Variants in WDR72 observed in about 807,000 individuals in gnomAD.
The protein encoded by WDR72 is WD repeat-containing protein 72.
WDR72 carries 120 observed loss-of-function variants against 124.2 expected under a neutral mutation model. The observed-to-expected ratio is 0.97, with a 90% CI of 0.83 to 1.12. WDR72 has a LOEUF of 1.12. Ranked by LOEUF, WDR72 falls within the 50% of genes most tolerant of loss-of-function variation. The probability of loss-of-function intolerance (pLI) is 0.00; values close to 1 mark genes in which losing one functional copy is unlikely to be tolerated. For missense variants in WDR72, 1,387 were observed against 1,278.8 expected (o/e 1.08, Z -1.29); for synonymous variants, 452 against 441.7 (o/e 1.02, Z -0.29).
intron 1 of WDR72, among the ~76,000 whole-genome samples, chr15:53,734,883 A>G (rs1053446937): frequency 6.6e-6 from 1 of 151,796 alleles, no homozygotes; most frequent in African/African-American, 2.4e-5. Context: ...AGTTATGTAT[A>G]ATACTTTTAT....
intron 1 of WDR72, among the ~76,000 whole-genome samples, chr15:53,745,587 T>C (rs947305282): frequency 3.3e-5 from 5 of 152,190 alleles, no homozygotes; most frequent in Admixed American, 3.3e-4. Context: ...AACAAATAAG[T>C]TTTGTATAGT....
At chr15:53,627,748 GA>G (rs11321527) in intron 14 of WDR72, among the ~76,000 whole-genome samples, 49,071 of 151,252 alleles carry the variant, frequency 0.32, 8,717 homozygotes, top group East Asian at 0.46. Flanking sequence ...CATTTAATTA[GA>G]AAAAAAACAC....
chr15:53,714,584 A>C (rs1427587102), intron 5 of WDR72, 74 bp from the exon 6 acceptor site: 2 of 1,215,310 alleles, frequency 1.6e-6, no homozygotes, highest in East Asian at 4.7e-5. Context: ...TTTCACAGTC[A>C]TTTAAGAATT....
chr15:53,676,617 A>C (rs1195488053), intron 13 of WDR72, among the ~76,000 whole-genome samples: 2 of 152,162 alleles, frequency 1.3e-5, no homozygotes, highest in African/African-American at 4.8e-5. Flanking sequence ...TCTGCCAAGG[A>C]CCTGAATTAG....
At chr15:53,554,568 T>C (rs1372947666) in intron 18 of WDR72, among the ~76,000 whole-genome samples, 1 of 152,144 alleles carries the variant, frequency 6.6e-6, no homozygotes, top group Non-Finnish European at 1.5e-5. Flanking sequence ...CATATTGAAC[T>C]TTTCCAGAAA....
intron 18 of WDR72, among the ~76,000 whole-genome samples, chr15:53,536,671 A>T (rs1892780903): frequency 6.6e-6 from 1 of 152,248 alleles, no homozygotes; most frequent in Non-Finnish European, 1.5e-5. Flanking sequence ...ATTGCACAGT[A>T]ACATGGTCAG....
chr15:53,517,695 C>T lies in WDR72; in HGVS notation c.*4G>A. On this transcript the variant is annotated 3_prime_UTR_variant, in exon 20 of 20. Transcript: ENST00000360509. ...AAATTCAGCTCCTACTGATGAGATT[C>T]CATTTAAGACACCTTGCAGGGGCAG... The T allele has an allele frequency of 6.2e-7, 1 of 1,612,772 alleles. No individual in the cohort carries two copies. The highest frequency in any genetic ancestry group is 1.3e-5 in the African/African-American group (1 of 74,972).
intron 13 of WDR72, among the ~76,000 whole-genome samples, chr15:53,687,905 A>C (rs1011511236): frequency 2.7e-5 from 4 of 150,030 alleles, no homozygotes; most frequent in Non-Finnish European, 3.0e-5. Context: ...AGGCTGGTTC[A>C]ATATACACAA....
intron 18 of WDR72, among the ~76,000 whole-genome samples, chr15:53,580,742 C>T (rs960939378): frequency 1.3e-5 from 2 of 151,736 alleles, no homozygotes; most frequent in Non-Finnish European, 2.9e-5. Flanking sequence ...CTAAAAGTGG[C>T]CATGGAAAAA....
intron 18 of WDR72, among the ~76,000 whole-genome samples, chr15:53,578,929 T>A (rs991486470): frequency 6.6e-6 from 1 of 152,058 alleles, no homozygotes; most frequent in Non-Finnish European, 1.5e-5. Context: ...GGAGAGTCTA[T>A]AAATGAACCA....
In WDR72 at chr15:53,705,028, A is replaced by T; in HGVS notation, c.1308T>A (p.Ala436=). The change falls in exon 11 of 20, where the codon GCT becomes GCA. Residue 436 remains alanine (A), a synonymous_variant. Coordinates refer to ENST00000360509, the MANE Select transcript of WDR72 (RefSeq NM_182758.4). ...CACCTTCCAGAAGTCTTGCTTTGGC[A>T]GCATTCAAAGCCTGGGTAATGATAA... ...GTIIITQALN[A]AKARLLEGGS... is the part of the protein sequence containing the mutation. 6.2e-7 allele frequency: 1 copy of T among 1,614,064 alleles called. No individual in the cohort carries two copies. The highest frequency in any genetic ancestry group is 8.5e-7 in the Non-Finnish European group (1 of 1,180,000).
At chr15:53,609,121 T>G (rs974113669) in intron 17 of WDR72, among the ~76,000 whole-genome samples, 1 of 152,094 alleles carries the variant, frequency 6.6e-6, no homozygotes, top group Non-Finnish European at 1.5e-5. Context: ...CCCATAAATA[T>G]ATATGACCAC....
intron 17 of WDR72, among the ~76,000 whole-genome samples, chr15:53,607,330 T>C (rs917392698): frequency 6.6e-6 from 1 of 152,034 alleles, no homozygotes; most frequent in African/African-American, 2.4e-5. Context: ...AGGAGACATA[T>C]GGACCAATGG....
rs1891350864 is a variant in WDR72 at position 53,514,924 on chromosome 15, C to G, written c.*2775G>C. The G allele has an allele frequency of 1.3e-5, 2 of 150,446 alleles. No homozygotes were observed. Among genetic ancestry groups the G allele is most frequent in the South Asian group, 4.2e-4 (2 of 4,762 alleles). The allele number at this position is 150,446 out of a possible 1,614,324, so 9.3% of individuals were successfully genotyped here. A position where few individuals can be genotyped will look rare whatever the true frequency, so the allele number is the denominator to read the frequency against. ...TCCAGGTACTTTTTCCTGCAATATA[C>G]AATGGAGCCAATGTGAAACTCAACA... On this transcript the variant is annotated 3_prime_UTR_variant, in exon 20 of 20. Coordinates refer to ENST00000360509, the MANE Select transcript of WDR72 (RefSeq NM_182758.4).
At chr15:53,711,053 T>A in intron 8 of WDR72, 100 bp from the exon 9 acceptor site, 1 of 1,059,568 alleles carries the variant, frequency 9.4e-7, no homozygotes, top group Non-Finnish European at 1.4e-6. Context: ...ACCGTTCAAG[T>A]TTCTAAACTC....
chr15:53,693,273 T>C (rs1317281697), intron 13 of WDR72, among the ~76,000 whole-genome samples: 2 of 152,210 alleles, frequency 1.3e-5, no homozygotes, highest in Non-Finnish European at 2.9e-5. Context: ...GTAAAACCTG[T>C]GGACTGGCAA....
rs546664206 is a variant in WDR72 at position 53,717,242 on chromosome 15, G to A, written c.261-557C>T. Among the ~76,000 whole-genome samples, 7 of 151,934 alleles carry A rather than the reference G, an allele frequency of 4.6e-5. No individual in the cohort carries two copies. In the South Asian group the frequency reaches 6.2e-4, roughly 14 times the overall value. ...TTATTATTTTGAAAACTCTTACTTC[G>A]TTTATGTATTACAAAGACATAGTTT... On this transcript the variant is annotated intron_variant, in intron 3 of 19. Transcript: ENST00000360509.
At chr15:53,610,083 T>C (rs2013474437) in intron 16 of WDR72, among the ~76,000 whole-genome samples, 2 of 152,120 alleles carry the variant, frequency 1.3e-5, no homozygotes, top group African/African-American at 4.8e-5. Context: ...TGATTTGTCC[T>C]TACCCAGCTA....
intron 13 of WDR72, among the ~76,000 whole-genome samples, chr15:53,683,709 C>G (rs189367974): frequency 6.6e-6 from 1 of 151,840 alleles, no homozygotes; most frequent in East Asian, 1.9e-4. Flanking sequence ...TGGGTAAGAA[C>G]CACACAGGAG....
Sources: gnomAD v4.1 joint callset for allele counts (sites outside exome capture counted in the v4.1 genomes callset) on GRCh38, gnomAD v4.1.1 for gene constraint, MANE v1.5 for transcripts, NCBI Gene and HGNC (gene_info 2026-07-23, HGNC 2026-07-21) for gene names.